MAGI2: variants seen among roughly 807,000 people sequenced by gnomAD.
MAGI2 encodes the protein membrane associated guanylate kinase, WW and PDZ domain containing 2.
Under a neutral mutation model 133.3 loss-of-function variants are expected in MAGI2, and 35 were observed. That is an observed-to-expected ratio of 0.26 (90% CI 0.20 to 0.35). The LOEUF (loss-of-function observed/expected upper bound fraction) is 0.35, where lower values mean the gene tolerates loss of function less well. Ranked by LOEUF, MAGI2 falls within the 10% of genes least tolerant of loss-of-function variation. The pLI, the probability that MAGI2 is intolerant of heterozygous loss-of-function variation, is 1.00. For missense variants in MAGI2, 1,636 were observed against 1,863.4 expected (o/e 0.88, Z 2.25); for synonymous variants, 729 against 710.6 (o/e 1.03, Z -0.41).
chr7:79,135,983 GA>G (rs1174011094), intron 1 of MAGI2, among the ~76,000 whole-genome samples: 1 of 35,114 alleles, frequency 2.8e-5, no homozygotes, highest in African/African-American at 5.3e-5. Flanking sequence ...AAGAAAGAAA[GA>G]AAGAAAGAAA....
intron 6 of MAGI2, 48 bp downstream of exon 6, chr7:78,489,713 C>T (rs1563075045): frequency 7.2e-7 from 1 of 1,389,720 alleles, no homozygotes; most frequent in Non-Finnish European, 1.0e-6. Flanking sequence ...GAAACACAAA[C>T]ATTCTCAAAG....
intron 9 of MAGI2, among the ~76,000 whole-genome samples, chr7:78,302,790 C>G (rs1398384955): frequency 6.6e-6 from 1 of 152,216 alleles, no homozygotes; most frequent in Non-Finnish European, 1.5e-5. Flanking sequence ...CCCCACCAAG[C>G]TATTCCTTTC....
At chr7:79,291,963 T>C (rs1836521615) in intron 1 of MAGI2, among the ~76,000 whole-genome samples, 1 of 152,184 alleles carries the variant, frequency 6.6e-6, no homozygotes. Context: ...TTTACTGTCA[T>C]GATTAAGAAA....
chr7:78,944,726 T>C (rs929867789), intron 2 of MAGI2, among the ~76,000 whole-genome samples: 1 of 151,270 alleles, frequency 6.6e-6, no homozygotes, highest in African/African-American at 2.4e-5. Context: ...TATTTATTTA[T>C]TTATTTATTT....
intron 1 of MAGI2, among the ~76,000 whole-genome samples, chr7:79,162,743 A>G (rs1490692268): frequency 6.6e-6 from 1 of 152,124 alleles, no homozygotes; most frequent in Non-Finnish European, 1.5e-5. Context: ...ATCTAGATAC[A>G]TATTTTAAAA....
chr7:78,480,853 C>T (rs2362611), intron 6 of MAGI2, among the ~76,000 whole-genome samples: 54,172 of 151,660 alleles, frequency 0.36, 10,363 homozygotes, highest in African/African-American at 0.49. Flanking sequence ...CTTAGGTATA[C>T]ACTAAACAAA....
intron 1 of MAGI2, among the ~76,000 whole-genome samples, chr7:79,057,876 A>G (rs992928272): frequency 6.6e-6 from 1 of 151,950 alleles, no homozygotes; most frequent in African/African-American, 2.4e-5. Flanking sequence ...CTCCACTTCC[A>G]TTGCATTTTT....
chr7:78,654,177 C>G (rs534710781), intron 2 of MAGI2, among the ~76,000 whole-genome samples: 117 of 152,256 alleles, frequency 7.7e-4, no homozygotes, highest in Non-Finnish European at 1.6e-3. Flanking sequence ...TGCCTGGGTA[C>G]AAACCCTGGC....
chr7:78,409,755 A>G (rs1797701523), intron 6 of MAGI2, among the ~76,000 whole-genome samples: 1 of 152,104 alleles, frequency 6.6e-6, no homozygotes. Flanking sequence ...AGATTTAGGT[A>G]CATGTTTCTT....
chr7:78,163,906 C>CA (rs35152410), intron 15 of MAGI2, among the ~76,000 whole-genome samples: 67,296 of 126,326 alleles, frequency 0.53, 17,791 homozygotes, highest in African/African-American at 0.64. Context: ...GACTCCGTCT[C>CA]AAAAAAAAAA....
At chr7:78,208,710 G>A (rs1787389498) in intron 10 of MAGI2, among the ~76,000 whole-genome samples, 2 of 143,390 alleles carry the variant, frequency 1.4e-5, no homozygotes, top group South Asian at 4.4e-4. Flanking sequence ...TTTTTTTTGG[G>A]AAATCCATCT....
At chr7:78,037,158 G>T (rs903541564) in intron 21 of MAGI2, among the ~76,000 whole-genome samples, 1 of 152,050 alleles carries the variant, frequency 6.6e-6, no homozygotes, top group Non-Finnish European at 1.5e-5. Context: ...TAACATGAGC[G>T]TTGGGCAGAC....
chr7:78,342,661 G>C (rs1790511158), intron 9 of MAGI2, among the ~76,000 whole-genome samples: 1 of 152,194 alleles, frequency 6.6e-6, no homozygotes, highest in African/African-American at 2.4e-5. Context: ...CCTTTGCAGA[G>C]ACTTCGATGA....
intron 2 of MAGI2, among the ~76,000 whole-genome samples, chr7:78,643,166 G>C (rs565043194): frequency 4.6e-5 from 7 of 152,248 alleles, no homozygotes; most frequent in African/African-American, 1.4e-4. Flanking sequence ...AAAATATATG[G>C]AGAAGCAGAG....
At chr7:78,292,489 G>A (rs151221276) in intron 9 of MAGI2, among the ~76,000 whole-genome samples, 4,304 of 152,178 alleles carry the variant, frequency 0.028, 72 homozygotes, top group Non-Finnish European at 0.042. Flanking sequence ...AATCAATATC[G>A]TGAAAATGGC....
chr7:79,167,006 G>A (rs1198350157), intron 1 of MAGI2, among the ~76,000 whole-genome samples: 1 of 151,966 alleles, frequency 6.6e-6, no homozygotes, highest in Admixed American at 6.6e-5. Context: ...CTCCTCAGGA[G>A]TCTGTGTATT....
At chr7:78,774,980 A>G (rs182724734) in intron 2 of MAGI2, among the ~76,000 whole-genome samples, 1 of 152,240 alleles carries the variant, frequency 6.6e-6, no homozygotes, top group East Asian at 1.9e-4. Flanking sequence ...TAGAGGATAT[A>G]TATTTGGTTT....
intron 9 of MAGI2, among the ~76,000 whole-genome samples, chr7:78,329,479 G>A (rs1788948667): frequency 6.6e-6 from 1 of 152,128 alleles, no homozygotes; most frequent in Admixed American, 6.5e-5. Flanking sequence ...ACACATATGT[G>A]CATATATATA....
intron 2 of MAGI2, among the ~76,000 whole-genome samples, chr7:78,756,124 C>T (rs1453722084): frequency 1.3e-5 from 2 of 151,768 alleles, no homozygotes; most frequent in East Asian, 3.9e-4. Flanking sequence ...AGATATATAT[C>T]AGGTGGTGCT....
Sources: allele counts gnomAD v4.1 joint callset (sites outside exome capture counted in the v4.1 genomes callset), GRCh38; gene constraint gnomAD v4.1.1; transcripts MANE v1.5; gene names NCBI Gene and HGNC (gene_info 2026-07-23, HGNC 2026-07-21).